The following UNC13B variants were observed in gnomAD, a reference collection of about 807,000 sequenced individuals.
The protein encoded by UNC13B is protein unc-13 homolog B.
In UNC13B, 144 loss-of-function variants were observed where a neutral mutation model predicts 211.0. The observed-to-expected ratio is 0.68, with a 90% CI of 0.60 to 0.78. The LOEUF (loss-of-function observed/expected upper bound fraction) is 0.78. Ranked by LOEUF, UNC13B falls within the 30% of genes least tolerant of loss-of-function variation. The probability of loss-of-function intolerance (pLI) is 0.00; values close to 1 mark genes in which losing one functional copy is unlikely to be tolerated. For synonymous variants in UNC13B, 709 were observed against 725.8 expected, an observed-to-expected ratio of 0.98 and a Z score of 0.37; for missense variants, 1,777 against 2,002.0, an observed-to-expected ratio of 0.89 and a Z score of 2.14.
At chr9:35,172,954 C>G (rs1248025859) in intron 1 of UNC13B, among the ~76,000 whole-genome samples, 1 of 152,140 alleles carries the variant, frequency 6.6e-6, no homozygotes, top group Non-Finnish European at 1.5e-5. Flanking sequence ...TTGGTTCTCT[C>G]TTTTGCTATA....
At chr9:35,251,477 C>T (rs1007486443) in intron 6 of UNC13B, among the ~76,000 whole-genome samples, 2 of 152,052 alleles carry the variant, frequency 1.3e-5, no homozygotes, top group Non-Finnish European at 2.9e-5. Flanking sequence ...TTCCCACCTA[C>T]TTGGGAGGCT....
intron 11 of UNC13B, chr9:35,352,934 G>A (rs750981781): frequency 3.2e-6 from 4 of 1,232,158 alleles, no homozygotes; most frequent in Non-Finnish European, 3.0e-6. Flanking sequence ...TAAAAGTGAG[G>A]CCAGCAGCTG....
chr9:35,245,015 C>T (rs779314839), intron 6 of UNC13B, among the ~76,000 whole-genome samples: 1 of 152,136 alleles, frequency 6.6e-6, no homozygotes, highest in African/African-American at 2.4e-5. Context: ...AAGCTCCAGT[C>T]CTCTTTCTCC....
rs1445665227 is a variant in UNC13B, at chr9:35,301,621, CTTAG to C, written c.2224_2227del (p.Ser742LeufsTer16). 4.5e-5 allele frequency: 18 copies of C among 398,846 alleles called. No homozygotes were observed. The highest frequency in any genetic ancestry group is 6.3e-4 in the Middle Eastern group (1 of 1,588). The allele number at this position is 398,846 out of a possible 1,614,324, so 24.7% of individuals were successfully genotyped here. ...CCCAAGTAACCAGTGAACCTTCAAA[CTTAG>C]TTAGTTCTGCAAGTAAAAATGATGA... On this transcript the variant is annotated frameshift_variant, in exon 9 of 40. Transcript: ENST00000635942. LOFTEE classifies it high-confidence loss of function.
chr9:35,290,269 T>C (rs1829028113), intron 7 of UNC13B, among the ~76,000 whole-genome samples: 1 of 152,044 alleles, frequency 6.6e-6, no homozygotes, highest in African/African-American at 2.4e-5. Context: ...GAGTGGTTTA[T>C]TACATATTGT....
Position 35,304,906 on chromosome 9 carries a change from CA to C in UNC13B, c.5507del (p.Asn1836IlefsTer2), listed in dbSNP as rs1353785080. ...VSNVQHPELI[K>X]NIRQEFSLNK... ...CCAATGTTCAGCATCCAGAATTGAT[CA>C]AAAATATAAGGCAAGAATTCTCTTT... On this transcript the variant is annotated frameshift_variant, in exon 9 of 40. Transcript: ENST00000635942. LOFTEE classifies it high-confidence loss of function. The C allele has an allele frequency of 5.0e-6, 2 of 398,536 alleles. No individual in the cohort carries two copies. The highest frequency in any genetic ancestry group is 8.9e-6 in the Non-Finnish European group (2 of 225,930). 24.7% of individuals were successfully genotyped at this position (398,536 alleles called of 1,614,324 possible).
intron 1 of UNC13B, among the ~76,000 whole-genome samples, chr9:35,184,814 G>A (rs1426415942): frequency 8.6e-4 from 62 of 71,784 alleles, no homozygotes; most frequent in East Asian, 2.2e-3. Context: ...GGGGGGGGGG[G>A]GAGAGAGAGA....
At chr9:35,222,695 C>A (rs1450757881) in intron 1 of UNC13B, among the ~76,000 whole-genome samples, 1 of 152,154 alleles carries the variant, frequency 6.6e-6, no homozygotes, top group Non-Finnish European at 1.5e-5. Context: ...ATATTTATCA[C>A]TTCTTTGTGT....
intron 6 of UNC13B, among the ~76,000 whole-genome samples, chr9:35,247,338 C>T (rs1460029777): frequency 2.0e-5 from 3 of 152,098 alleles, no homozygotes; most frequent in Non-Finnish European, 4.4e-5. Flanking sequence ...AATTGAATAC[C>T]CTTTATTTCT....
intron 7 of UNC13B, among the ~76,000 whole-genome samples, chr9:35,280,970 G>A (rs1828449138): frequency 6.6e-6 from 1 of 152,146 alleles, no homozygotes; most frequent in Non-Finnish European, 1.5e-5. Flanking sequence ...TACCATAAAA[G>A]CGTGGTCATC....
intron 7 of UNC13B, among the ~76,000 whole-genome samples, chr9:35,281,412 A>C (rs1470305709): frequency 5.0e-5 from 7 of 140,032 alleles, no homozygotes; most frequent in Non-Finnish European, 9.7e-5. Context: ...ACTGTCTCAA[A>C]AAAAAAAAAA....
chr9:35,386,455 G>T (rs1031401712), intron 24 of UNC13B, among the ~76,000 whole-genome samples, 162 bp downstream of exon 24: 2 of 152,096 alleles, frequency 1.3e-5, no homozygotes, highest in Non-Finnish European at 2.9e-5. Context: ...TGAGATATGT[G>T]GATGGAAAGA....
intron 3 of UNC13B, 21 bp downstream of exon 3, chr9:35,231,240 G>T (rs1408154244): frequency 6.9e-7 from 1 of 1,455,812 alleles, no homozygotes; most frequent in Non-Finnish European, 9.6e-7. Context: ...TGCAGCAGCA[G>T]TGTGCCTACA....
chr9:35,259,829 T>A (rs1347804275), intron 7 of UNC13B, among the ~76,000 whole-genome samples: 1 of 149,872 alleles, frequency 6.7e-6, no homozygotes, highest in Admixed American at 6.7e-5. Context: ...TTTGTGTTGC[T>A]CTGTTTTTTC....
At chr9:35,390,754 GC>G (rs746316219) in intron 26 of UNC13B, 40 bp downstream of exon 26, 2 of 1,577,762 alleles carry the variant, frequency 1.3e-6, no homozygotes, top group Non-Finnish European at 1.7e-6. Context: ...CAGGCTCCTA[GC>G]CCAAGCTCCT....
chr9:35,166,494 C>G (rs2131237831), intron 1 of UNC13B, among the ~76,000 whole-genome samples: 1 of 151,986 alleles, frequency 6.6e-6, no homozygotes, highest in Non-Finnish European at 1.5e-5. Flanking sequence ...AATACCATTG[C>G]TAACTTTTTT....
At chr9:35,336,633 A>G (rs1831675268) in intron 11 of UNC13B, among the ~76,000 whole-genome samples, 1 of 152,094 alleles carries the variant, frequency 6.6e-6, no homozygotes, top group African/African-American at 2.4e-5. Context: ...CAGCTTCCCA[A>G]GTAGCTGGTG....
chr9:35,323,473 C>T (rs549843195), intron 11 of UNC13B, among the ~76,000 whole-genome samples: 3 of 152,298 alleles, frequency 2.0e-5, no homozygotes, highest in South Asian at 2.1e-4. Flanking sequence ...TGAGACCCCT[C>T]TTCAAACTTC....
chr9:35,227,777 T>C, intron 1 of UNC13B: 1 of 412,354 alleles, frequency 2.4e-6, no homozygotes, highest in Non-Finnish European at 4.3e-6. Flanking sequence ...CTCCACCTTG[T>C]TGTCAGGAGC....
Sources: gnomAD v4.1 joint callset for allele counts (sites outside exome capture counted in the v4.1 genomes callset) on GRCh38, gnomAD v4.1.1 for gene constraint, MANE v1.5 for transcripts, NCBI Gene and HGNC (gene_info 2026-07-23, HGNC 2026-07-21) for gene names.